POU6F2: variants seen among roughly 807,000 people sequenced by gnomAD.
The protein encoded by POU6F2 is POU domain, class 6, transcription factor 2.
Under a neutral mutation model 71.3 loss-of-function variants are expected in POU6F2, and 31 were observed. The observed-to-expected ratio is 0.43, with a 90% CI of 0.33 to 0.59. POU6F2 has a LOEUF of 0.59. Ranked by LOEUF, POU6F2 falls within the 20% of genes least tolerant of loss-of-function variation. POU6F2 has a pLI of 0.04. For synonymous variants in POU6F2, 347 were observed against 355.7 expected (o/e 0.98, Z 0.27); for missense variants, 783 against 856.8 (o/e 0.91, Z 1.07).
intron 2 of POU6F2, among the ~76,000 whole-genome samples, chr7:39,117,034 A>T (rs1242442094): frequency 6.6e-6 from 1 of 152,058 alleles, no homozygotes; most frequent in Non-Finnish European, 1.5e-5. Context: ...TCCTTTTTTG[A>T]GGTGAATTAT....
rs148332602 is a variant in POU6F2 at position 39,127,408 on chromosome 7, T to G, written c.277+41377T>G. Among the ~76,000 whole-genome samples the G allele has an allele frequency of 3.0e-3, 456 of 152,282 alleles. 1 individual carries two copies. The highest frequency in any genetic ancestry group is 0.01 in the African/African-American group (432 of 41,542). On this transcript the variant is annotated intron_variant, in intron 2 of 9. Coordinates refer to ENST00000518318, the MANE Select transcript of POU6F2 (RefSeq NM_001370959.1). ...CATTCATTTAGTCATTCAAGCAATA[T>G]TCAAAGTGTATCATGTACTAGGCAC...
chr7:39,419,084 C>CGTATATGTGTATATATACACATATATAT (rs1787775766), intron 6 of POU6F2, among the ~76,000 whole-genome samples: 1 of 114,466 alleles, frequency 8.7e-6, no homozygotes, highest in Non-Finnish European at 1.8e-5. Context: ...CACATATATA[C>CGTATATGTGTATATATACACATATATAT]GTATATGTGT....
intron 1 of POU6F2, among the ~76,000 whole-genome samples, chr7:39,024,379 T>A (rs1230771295): frequency 3.3e-5 from 5 of 152,230 alleles, no homozygotes; most frequent in Admixed American, 6.5e-5. Context: ...TTGCTGAAGT[T>A]GCTTATCAGC....
chr7:39,297,430 A>C (rs1784871123), intron 4 of POU6F2, among the ~76,000 whole-genome samples: 1 of 152,198 alleles, frequency 6.6e-6, no homozygotes, highest in Non-Finnish European at 1.5e-5. Flanking sequence ...ATAATACAAG[A>C]AAAACTTGGT....
chr7:39,248,318 G>A (rs1337849082), intron 4 of POU6F2, among the ~76,000 whole-genome samples: 8 of 152,104 alleles, frequency 5.3e-5, no homozygotes, highest in Admixed American at 4.6e-4. Context: ...ACAAAACAAA[G>A]CCAAACAAAA....
chr7:39,321,918 T>G (rs558088722), intron 4 of POU6F2, among the ~76,000 whole-genome samples: 12 of 150,094 alleles, frequency 8.0e-5, no homozygotes, highest in East Asian at 2.0e-4. Flanking sequence ...GAGAGAGAGA[T>G]AGAGAGAGAG....
chr7:39,233,938 C>T (rs946770177), intron 4 of POU6F2, among the ~76,000 whole-genome samples: 9 of 152,214 alleles, frequency 5.9e-5, no homozygotes, highest in African/African-American at 1.2e-4. Context: ...AAATGGTATT[C>T]GGCGCAGAGA....
chr7:39,075,473 GT>G (rs1041035861), intron 1 of POU6F2, among the ~76,000 whole-genome samples: 5 of 152,112 alleles, frequency 3.3e-5, no homozygotes, highest in Non-Finnish European at 5.9e-5. Context: ...TGAAGAAAAA[GT>G]TTTTCTTCTC....
chr7:39,154,123 A>T (rs2128735077), intron 2 of POU6F2, among the ~76,000 whole-genome samples: 1 of 152,356 alleles, frequency 6.6e-6, no homozygotes, highest in Non-Finnish European at 1.5e-5. Context: ...CAAACATTTC[A>T]AAGTACAAAC....
At chr7:39,292,231 C>T (rs1784772943) in intron 4 of POU6F2, among the ~76,000 whole-genome samples, 1 of 152,200 alleles carries the variant, frequency 6.6e-6, no homozygotes, top group Non-Finnish European at 1.5e-5. Context: ...GGGTGAGTCC[C>T]GAGCTCATCT....
rs1366989116 is a variant in POU6F2, at chr7:39,339,795, C to G, written c.752C>G (p.Pro251Arg). 6.4e-7 allele frequency: 1 copy of G among 1,571,344 alleles called. No homozygotes were observed. The highest frequency in any genetic ancestry group is 8.6e-7 in the Non-Finnish European group (1 of 1,158,768). The change falls in exon 5 of 10, where the codon CCC becomes CGC. Residue 251 changes from proline (P) to arginine (R), a missense_variant. Physicochemically the swap from Pro to Arg is moderately radical, Grantham distance 103. This residue lies in a region of POU6F2 where 572 missense variants were observed against 572.9 expected (regional missense o/e 1.00). Transcript: ENST00000518318. ...CAGTCCCAGCAGCAGCCGCTGCAGCCCACCCCACCCCAGCAGCCACCACCC... is the reference window on the plus strand; with the variant it reads ...CAGTCCCAGCAGCAGCCGCTGCAGCGCACCCCACCCCAGCAGCCACCACCC... ...PSQSQQQPLQ[P>R]TPPQQPPPAS...
chr7:38,986,055 C>G (rs181952448), intron 1 of POU6F2, among the ~76,000 whole-genome samples: 1 of 152,080 alleles, frequency 6.6e-6, no homozygotes, highest in East Asian at 1.9e-4. Context: ...AACACACACG[C>G]ACACTCACAG....
At chr7:39,242,458 A>G (rs1473975806) in intron 4 of POU6F2, among the ~76,000 whole-genome samples, 1 of 151,550 alleles carries the variant, frequency 6.6e-6, no homozygotes, top group African/African-American at 2.4e-5. Context: ...CATTTCTCTA[A>G]TGACTAATAA....
At chr7:39,249,756 A>G (rs943093749) in intron 4 of POU6F2, among the ~76,000 whole-genome samples, 3 of 152,210 alleles carry the variant, frequency 2.0e-5, no homozygotes, top group Non-Finnish European at 4.4e-5. Context: ...TAAGAGCTCT[A>G]ATACACTCGA....
At chr7:39,101,964 G>A (rs1420132151) in intron 2 of POU6F2, among the ~76,000 whole-genome samples, 2 of 152,038 alleles carry the variant, frequency 1.3e-5, no homozygotes, top group East Asian at 1.9e-4. Context: ...CATGAAAATG[G>A]CAATACTTTT....
At chr7:39,129,207 C>G (rs1012104821) in intron 2 of POU6F2, among the ~76,000 whole-genome samples, 3 of 152,146 alleles carry the variant, frequency 2.0e-5, no homozygotes, top group African/African-American at 7.2e-5. Flanking sequence ...AGGAGAATGG[C>G]TTTCTCCTTG....
At chr7:39,011,660 A>T in intron 1 of POU6F2, among the ~76,000 whole-genome samples, 1 of 150,194 alleles carries the variant, frequency 6.7e-6, no homozygotes, top group Admixed American at 6.6e-5. Context: ...AGCGGCTGGT[A>T]CCGGTTGTTC....
chr7:39,248,671 C>T (rs1303103434), intron 4 of POU6F2, among the ~76,000 whole-genome samples: 1 of 152,180 alleles, frequency 6.6e-6, no homozygotes. Flanking sequence ...TCAGAATAAC[C>T]ATTGTGCTTC....
intron 1 of POU6F2, among the ~76,000 whole-genome samples, chr7:39,014,038 G>A (rs536650527): frequency 6.6e-6 from 1 of 152,250 alleles, no homozygotes; most frequent in Admixed American, 6.5e-5. Flanking sequence ...CTTATAATAA[G>A]CTTTTACTGG....
Sources: gnomAD v4.1 joint callset for allele counts (sites outside exome capture counted in the v4.1 genomes callset) on GRCh38, gnomAD v4.1.1 for gene constraint, gnomAD v4.1.1 regional missense constraint, MANE v1.5 for transcripts, NCBI Gene and HGNC (gene_info 2026-07-23, HGNC 2026-07-21) for gene names.